TBC1D5: variants seen among roughly 807,000 people sequenced by gnomAD.
TBC1D5 encodes TBC1 domain family member 5.
A neutral mutation model predicts 100.3 loss-of-function variants in TBC1D5; 75 were observed. The ratio of observed to expected loss-of-function variants is 0.75; its 90% confidence interval spans 0.62 to 0.91. The LOEUF (loss-of-function observed/expected upper bound fraction) is 0.91, where lower values mean the gene tolerates loss of function less well. Ranked by LOEUF, TBC1D5 falls within the 40% of genes least tolerant of loss-of-function variation. The pLI, the probability that TBC1D5 is intolerant of heterozygous loss-of-function variation, is 0.00. For missense variants in TBC1D5, 910 were observed against 942.4 expected (o/e 0.97, Z 0.45); for synonymous variants, 323 against 325.6 (o/e 0.99, Z 0.09).
Position 17,675,218 on chromosome 3 carries a change from C to A in TBC1D5, c.-100-51305G>T, listed in dbSNP as rs1414928809. Reference sequence around the variant, plus strand: ...TACAGATAACTCAGACTATGGCTACCAAGACAGATTATTAAAAATAAAATT... The same window carrying A: ...TACAGATAACTCAGACTATGGCTACAAAGACAGATTATTAAAAATAAAATT... On this transcript the variant is annotated intron_variant, in intron 1 of 21. Transcript: ENST00000253692. Among the ~76,000 whole-genome samples the A allele has an allele frequency of 1.1e-3, 161 of 152,028 alleles. 1 individual carries two copies. The highest frequency in any genetic ancestry group is 3.8e-3 in the African/African-American group (156 of 41,516).
At chr3:17,311,253 T>C (rs544916512) in intron 13 of TBC1D5, among the ~76,000 whole-genome samples, 15 of 152,174 alleles carry the variant, frequency 9.9e-5, no homozygotes, top group Admixed American at 7.9e-4. Context: ...CTTTATACTA[T>C]CAATCTTGCT....
At chr3:17,742,439 G>A (rs1411783969), upstream of TBC1D5, 3 of 153,016 alleles carry the variant, frequency 2.0e-5, no homozygotes, top group South Asian at 2.1e-4. Context: ...GCGTTCAGAG[G>A]GCTTGGGCTT....
chr3:17,360,935 G>A (rs2091644516), intron 13 of TBC1D5, among the ~76,000 whole-genome samples: 1 of 151,942 alleles, frequency 6.6e-6, no homozygotes, highest in African/African-American at 2.4e-5. Flanking sequence ...AGTGAAAGAA[G>A]CCATCTAATT....
At chr3:17,216,553 T>C (rs2073658686) in intron 17 of TBC1D5, among the ~76,000 whole-genome samples, 1 of 152,140 alleles carries the variant, frequency 6.6e-6, no homozygotes, top group Non-Finnish European at 1.5e-5. Context: ...GAAGGACCCC[T>C]GAGGTTAGGA....
At chr3:17,401,704 C>A (rs2093655758) in intron 8 of TBC1D5, among the ~76,000 whole-genome samples, 1 of 152,040 alleles carries the variant, frequency 6.6e-6, no homozygotes, top group African/African-American at 2.4e-5. Flanking sequence ...TAATTATAAT[C>A]CTGCTCATTA....
At chr3:17,419,725 G>C (rs2094163373) in intron 4 of TBC1D5, among the ~76,000 whole-genome samples, 1 of 152,076 alleles carries the variant, frequency 6.6e-6, no homozygotes, top group Non-Finnish European at 1.5e-5. Context: ...ACCAAGGCTG[G>C]AGTGCAGTGG....
At chr3:17,618,650 A>C (rs2062392900) in intron 2 of TBC1D5, among the ~76,000 whole-genome samples, 1 of 152,206 alleles carries the variant, frequency 6.6e-6, no homozygotes, top group Non-Finnish European at 1.5e-5. Flanking sequence ...TCGTTGTTAG[A>C]TCTCAGACTG....
In TBC1D5 at chr3:17,675,179, TGAACAGTCTGAGTTACAGATAACTCAGAC is replaced by T. The variant is rs539169702; in HGVS notation, c.-100-51295_-100-51267del. ...AAGTAAGCAAACGCAAGCATAAAAA[TGAACAGTCTGAGTTACAGATAACTCAGAC>T]TATGGCTACCAAGACAGATTATTAA... On this transcript the variant is annotated intron_variant, in intron 1 of 21. Coordinates refer to ENST00000253692, the Ensembl canonical transcript of TBC1D5. Among the ~76,000 whole-genome samples the T allele has an allele frequency of 1.1e-3, 160 of 152,144 alleles. 1 individual carries two copies. Among genetic ancestry groups the T allele is most frequent in the African/African-American group, 3.7e-3 (155 of 41,548 alleles).
intron 13 of TBC1D5, among the ~76,000 whole-genome samples, chr3:17,334,261 A>G (rs1346700823): frequency 6.6e-6 from 1 of 152,118 alleles, no homozygotes; most frequent in Non-Finnish European, 1.5e-5. Flanking sequence ...TGACTTTATG[A>G]GCCACCTGAA....
intron 2 of TBC1D5, among the ~76,000 whole-genome samples, chr3:17,585,137 G>A (rs1342039986): frequency 2.0e-5 from 3 of 152,132 alleles, no homozygotes; most frequent in East Asian, 1.9e-4. Flanking sequence ...CTGTATTTAC[G>A]AAACTTTCTA....
intron 1 of TBC1D5, among the ~76,000 whole-genome samples, chr3:17,665,244 C>A (rs1354423197): frequency 1.3e-5 from 2 of 152,052 alleles, no homozygotes; most frequent in Non-Finnish European, 1.5e-5. Context: ...AGAAAGGGGC[C>A]TAGTAAGGCC....
chr3:17,303,805 A>G (rs10510471), intron 14 of TBC1D5, among the ~76,000 whole-genome samples: 2,666 of 127,644 alleles, frequency 0.021, 81 homozygotes, highest in African/African-American at 0.074. Flanking sequence ...TGCCTAATTC[A>G]TTTGGAAGCC....
chr3:17,317,536 G>C (rs1427649606), intron 13 of TBC1D5, among the ~76,000 whole-genome samples: 1 of 152,116 alleles, frequency 6.6e-6, no homozygotes, highest in East Asian at 1.9e-4. Flanking sequence ...GAGGGGATTG[G>C]CTCCTCCATT....
intron 15 of TBC1D5, among the ~76,000 whole-genome samples, chr3:17,267,222 C>A (rs1473039344): frequency 6.6e-6 from 1 of 152,064 alleles, no homozygotes; most frequent in Non-Finnish European, 1.5e-5. Context: ...GAGTAACATA[C>A]CCCCTACCCT....
At chr3:17,567,342 G>A (rs964707868) in intron 2 of TBC1D5, among the ~76,000 whole-genome samples, 2 of 151,760 alleles carry the variant, frequency 1.3e-5, no homozygotes, top group Non-Finnish European at 3.0e-5. Context: ...AAATCATGTG[G>A]AATCTTATTT....
chr3:17,409,588 GA>G (rs552550599), intron 4 of TBC1D5, among the ~76,000 whole-genome samples: 9 of 149,368 alleles, frequency 6.0e-5, no homozygotes, highest in African/African-American at 1.5e-4. Context: ...GGTGAATGCA[GA>G]AAAAAAAAAG....
At chr3:17,543,403 T>A (rs1209068219) in intron 2 of TBC1D5, among the ~76,000 whole-genome samples, 2 of 151,784 alleles carry the variant, frequency 1.3e-5, no homozygotes, top group Non-Finnish European at 2.9e-5. Context: ...GAGGCCAAGG[T>A]GGGAGGATTG....
rs2072917145 is a variant in TBC1D5 at position 17,700,119 on chromosome 3, C to G, written c.-101+39224G>C. 6.0e-5 allele frequency: 9 copies of G among 149,140 alleles called. No individual in the cohort carries two copies. In the South Asian group the frequency reaches 1.9e-3, roughly 32 times the overall value. The allele number at this position is 149,140 out of a possible 1,614,324, so 9.2% of individuals were successfully genotyped here. Reference sequence around the variant, plus strand: ...TCTGCTTTGGCTTGTCCCTTGGCCACTAATAAACTGAAAGGGAACACTTGA... The same window carrying G: ...TCTGCTTTGGCTTGTCCCTTGGCCAGTAATAAACTGAAAGGGAACACTTGA... On this transcript the variant is annotated intron_variant, in intron 1 of 21. Transcript: ENST00000253692.
intron 17 of TBC1D5, among the ~76,000 whole-genome samples, chr3:17,232,851 G>C (rs961376380): frequency 3.3e-5 from 5 of 151,994 alleles, no homozygotes; most frequent in African/African-American, 1.2e-4. Context: ...ATATTATGTG[G>C]TATTTTAAAT....
Sources: allele counts gnomAD v4.1 joint callset (sites outside exome capture counted in the v4.1 genomes callset), GRCh38; gene constraint gnomAD v4.1.1; transcripts MANE v1.5; gene names NCBI Gene and HGNC (gene_info 2026-07-23, HGNC 2026-07-21).